Variants in EPS8 observed in about 807,000 individuals in gnomAD.
EPS8 encodes epidermal growth factor receptor kinase substrate 8.
A neutral mutation model predicts 103.8 loss-of-function variants in EPS8; 42 were observed. The ratio of observed to expected loss-of-function variants is 0.40; its 90% CI spans 0.32 to 0.52. EPS8 has a LOEUF of 0.52. Ranked by LOEUF, EPS8 falls within the 20% of genes least tolerant of loss-of-function variation. EPS8 has a pLI of 0.40. For synonymous variants in EPS8, 344 were observed against 344.6 expected, an observed-to-expected ratio of 1.00 and a Z score of 0.02; for missense variants, 969 against 1,005.1, an observed-to-expected ratio of 0.96 and a Z score of 0.49.
At chr12:15,692,108 C>A (rs1266512306) in intron 1 of EPS8, among the ~76,000 whole-genome samples, 1 of 152,124 alleles carries the variant, frequency 6.6e-6, no homozygotes, top group Non-Finnish European at 1.5e-5. Flanking sequence ...TTCCCCCTGT[C>A]TTGGAGCCTT....
At chr12:15,632,879 A>C (rs994388744) in intron 17 of EPS8, among the ~76,000 whole-genome samples, 1 of 152,162 alleles carries the variant, frequency 6.6e-6, no homozygotes, top group African/African-American at 2.4e-5. Flanking sequence ...TGTGGGAAGG[A>C]GCCCTCATTC....
At chr12:15,737,864 T>G (rs1161299507) in intron 1 of EPS8, among the ~76,000 whole-genome samples, 1 of 152,130 alleles carries the variant, frequency 6.6e-6, no homozygotes, top group African/African-American at 2.4e-5. Flanking sequence ...CCAATACATG[T>G]TTATGATTTG....
Position 15,659,070 on chromosome 12 carries a change from T to C in EPS8, c.938-485A>G, listed in dbSNP as rs11056589. Among the ~76,000 whole-genome samples the C allele has an allele frequency of 9.7e-3, 1,470 of 152,166 alleles. 23 individuals carry two copies. Among genetic ancestry groups the C allele is most frequent in the African/African-American group, 0.034 (1,399 of 41,524 alleles). On this transcript the variant is annotated intron_variant, in intron 10 of 20. Coordinates refer to ENST00000281172, the MANE Select transcript of EPS8 (RefSeq NM_004447.6). ...GGGTGATGTGGTGGGAAAAACATCA[T>C]GGTTGGATAAAAACAGCATAAGCAA...
rs1944843755 is a variant in EPS8, at chr12:15,620,395, G to A, written c.*922C>T. ...TTAGGTATCTTTCTTTTCTCTATGT[G>A]GAATCTTTCACAGGATTAAAATATG... On this transcript the variant is annotated 3_prime_UTR_variant, in exon 21 of 21. Coordinates refer to ENST00000281172, the MANE Select transcript of EPS8 (RefSeq NM_004447.6). The A allele has an allele frequency of 1.3e-5, 2 of 152,438 alleles. No individual in the cohort carries two copies. The highest frequency in any genetic ancestry group is 4.2e-4 in the South Asian group (2 of 4,816). 9.4% of individuals were successfully genotyped at this position (152,438 alleles called of 1,614,324 possible). A position where few individuals can be genotyped will look rare whatever the true frequency, so the allele number is the denominator to read the frequency against.
At position 15,779,574 on chromosome 12, in the gene EPS8, A is replaced by C. The variant is rs1393910122; in HGVS notation, c.-22+9587T>G. 1.3e-5 allele frequency among the ~76,000 whole-genome samples: 2 copies of C among 152,218 alleles called. No individual in the cohort carries two copies. Among genetic ancestry groups the C allele is most frequent in the Non-Finnish European group, 2.9e-5 (2 of 68,036 alleles). On this transcript the variant is annotated intron_variant, in intron 1 of 20. Coordinates refer to ENST00000281172, the MANE Select transcript of EPS8 (RefSeq NM_004447.6). This position sits in a 1 kb window ranked among gnomAD's most constrained non-coding sequence, Gnocchi z 4.3. Reference sequence around the variant, plus strand: ...CATTAAACCAACAAATATCTCAATAATATACATGTATTTCTATAATAAGGA... The same window carrying C: ...CATTAAACCAACAAATATCTCAATACTATACATGTATTTCTATAATAAGGA...
chr12:15,739,479 C>A (rs1325349718), intron 1 of EPS8, among the ~76,000 whole-genome samples: 1 of 151,998 alleles, frequency 6.6e-6, no homozygotes, highest in Non-Finnish European at 1.5e-5. Context: ...GGCACCCATC[C>A]AATCGACTGG....
rs1441328427 is a variant in EPS8 at position 15,780,159 on chromosome 12, T to C, written c.-22+9002A>G. 2.0e-5 allele frequency: 3 copies of C among 152,204 alleles called. No individual in the cohort carries two copies. The highest frequency in any genetic ancestry group is 7.2e-5 in the African/African-American group (3 of 41,436). 9.4% of individuals were successfully genotyped at this position (152,204 alleles called of 1,614,324 possible). A position where few individuals can be genotyped will look rare whatever the true frequency, so the allele number is the denominator to read the frequency against. ...ATGCAATTCTTAAACAGGTTTGGTA[T>C]CTTTATTCTCTTCTGCTACAATGTA... On this transcript the variant is annotated intron_variant, in intron 1 of 20. Transcript: ENST00000281172. This position sits in a 1 kb window ranked among gnomAD's most constrained non-coding sequence, Gnocchi z 4.1.
At position 15,731,283 on chromosome 12, in the gene EPS8, A is replaced by T. The variant is rs986600731; in HGVS notation, c.-21-48311T>A. Reference sequence around the variant, plus strand: ...AATATAAAACTTTAATAAGCCTTCCACCATTAAAAATATTTAATTGACTTT... The same window carrying T: ...AATATAAAACTTTAATAAGCCTTCCTCCATTAAAAATATTTAATTGACTTT... On this transcript the variant is annotated intron_variant, in intron 1 of 20. Transcript: ENST00000281172. This position sits in a 1 kb window ranked among gnomAD's most constrained non-coding sequence, Gnocchi z 5.1. Among the ~76,000 whole-genome samples the T allele has an allele frequency of 6.6e-6, 1 of 151,898 alleles. No individual in the cohort carries two copies. The highest frequency in any genetic ancestry group is 2.4e-5 in the African/African-American group (1 of 41,336).
chr12:15,690,434 AC>A lies in EPS8; in HGVS notation c.-21-7463del, dbSNP rs1278566021. ...ATGCACATACTTACACTACCCCCAA[AC>A]TACTTCTCATATATTTTATTGATAG... On this transcript the variant is annotated intron_variant, in intron 1 of 20. Transcript: ENST00000281172. This position sits in a 1 kb window ranked among gnomAD's most constrained non-coding sequence, Gnocchi z 4.7. 6.6e-6 allele frequency among the ~76,000 whole-genome samples: 1 copy of A among 151,974 alleles called. No individual in the cohort carries two copies. Among genetic ancestry groups the A allele is most frequent in the Non-Finnish European group, 1.5e-5 (1 of 67,992 alleles).
chr12:15,646,646 T>G (rs1945324251), intron 15 of EPS8, among the ~76,000 whole-genome samples: 1 of 152,156 alleles, frequency 6.6e-6, no homozygotes, highest in African/African-American at 2.4e-5. Flanking sequence ...GATAAAAAGA[T>G]GAAATGGCAA....
chr12:15,788,594 A>G (rs1368797163), intron 1 of EPS8, among the ~76,000 whole-genome samples: 2 of 152,214 alleles, frequency 1.3e-5, no homozygotes, highest in Non-Finnish European at 2.9e-5. Context: ...CCAAAAGTAA[A>G]ATGGTGAGTA....
chr12:15,708,503 T>C (rs1377019834), intron 1 of EPS8, among the ~76,000 whole-genome samples: 1 of 152,156 alleles, frequency 6.6e-6, no homozygotes. Flanking sequence ...TAATACAAAA[T>C]ATGAATGAAT....
At chr12:15,758,062 T>C (rs994821415) in intron 1 of EPS8, among the ~76,000 whole-genome samples, 2 of 152,180 alleles carry the variant, frequency 1.3e-5, no homozygotes, top group Non-Finnish European at 2.9e-5. Flanking sequence ...CCTCACAGTG[T>C]GATGACTAAG....
rs1466791908 is a variant in EPS8, at chr12:15,789,367, C to T, written c.-228G>A. On this transcript the variant is annotated 5_prime_UTR_variant, in exon 1 of 21. Transcript: ENST00000281172. This position sits in a 1 kb window ranked among gnomAD's most constrained non-coding sequence, Gnocchi z 6.1. ...CCTCGCGCCGGGCGAGACCGCCTCGCTAGCTGCTGCCTGTGAAGTCTGGAG... is the reference window on the plus strand; with the variant it reads ...CCTCGCGCCGGGCGAGACCGCCTCGTTAGCTGCTGCCTGTGAAGTCTGGAG... The T allele has an allele frequency of 6.6e-6, 1 of 152,584 alleles. No individual in the cohort carries two copies. The highest frequency in any genetic ancestry group is 2.1e-4 in the South Asian group (1 of 4,832). The allele number at this position is 152,584 out of a possible 1,614,324, so 9.5% of individuals were successfully genotyped here.
chr12:15,681,772 C>T (rs2135886953), intron 2 of EPS8, among the ~76,000 whole-genome samples: 2 of 148,130 alleles, frequency 1.4e-5, no homozygotes, highest in Middle Eastern at 7.1e-3. Context: ...GGCATGGTGG[C>T]AGGCACCTGT....
At chr12:15,653,564 C>T (rs1945453171) in intron 13 of EPS8, among the ~76,000 whole-genome samples, 1 of 152,148 alleles carries the variant, frequency 6.6e-6, no homozygotes, top group Admixed American at 6.5e-5. Flanking sequence ...CAGGCCCTTG[C>T]CCTACTATGG....
At chr12:15,655,351 C>A (rs146478655) in intron 12 of EPS8, among the ~76,000 whole-genome samples, 3 of 152,290 alleles carry the variant, frequency 2.0e-5, no homozygotes, top group Admixed American at 1.3e-4. Context: ...ATTAGTAACA[C>A]CCTACACTAT....
chr12:15,645,889 G>A (rs923190903), intron 15 of EPS8, among the ~76,000 whole-genome samples: 2 of 152,114 alleles, frequency 1.3e-5, no homozygotes, highest in East Asian at 1.9e-4. Flanking sequence ...TGGTTTTCTA[G>A]CTACTTAGCT....
At chr12:15,675,399 A>AGACCAGCCT (rs1490499934) in intron 3 of EPS8, among the ~76,000 whole-genome samples, 2 of 152,230 alleles carry the variant, frequency 1.3e-5, no homozygotes, top group Non-Finnish European at 2.9e-5. Flanking sequence ...CAGGAGTTCA[A>AGACCAGCCT]GACCAGCCTG....
Sources: allele counts gnomAD v4.1 joint callset (sites outside exome capture counted in the v4.1 genomes callset), GRCh38; gene constraint gnomAD v4.1.1; non-coding constraint Gnocchi (gnomAD v3.1); transcripts MANE v1.5; gene names NCBI Gene and HGNC (gene_info 2026-07-23, HGNC 2026-07-21).